PLOD2: variants seen among roughly 807,000 people sequenced by gnomAD.
PLOD2 encodes the protein lysine hydroxylase 2.
A neutral mutation model predicts 101.0 loss-of-function variants in PLOD2; 65 were observed. That is an observed-to-expected ratio of 0.64 (90% CI 0.53 to 0.79). The LOEUF (loss-of-function observed/expected upper bound fraction) is 0.79. Ranked by LOEUF, PLOD2 falls within the 30% of genes least tolerant of loss-of-function variation. PLOD2 has a pLI of 0.00. For synonymous variants in PLOD2, 314 were observed against 302.9 expected, an observed-to-expected ratio of 1.04 and a Z score of -0.38; for missense variants, 909 against 914.6, an observed-to-expected ratio of 0.99 and a Z score of 0.08.
rs200095830 is a variant in PLOD2 at position 146,123,231 on chromosome 3, T to TA, written c.201+906dup. Reference sequence around the variant, plus strand: ...CCAAAAAGTAATCTTTCTTCTTTTTTAAAAAAAAAGTTTTTTGCTTTTTGT... The same window carrying TA: ...CCAAAAAGTAATCTTTCTTCTTTTTTAAAAAAAAAAGTTTTTTGCTTTTTGT... On this transcript the variant is annotated intron_variant, in intron 2 of 19. Coordinates refer to ENST00000282903, the MANE Select transcript of PLOD2 (RefSeq NM_182943.3). The TA allele has an allele frequency of 1.0e-3, 838 of 824,876 alleles. 2 individuals are homozygous for TA. Among genetic ancestry groups the TA allele is most frequent in the South Asian group, 3.8e-3 (168 of 44,034 alleles). The allele number at this position is 824,876 out of a possible 1,614,324, so 51.1% of individuals were successfully genotyped here.
intron 3 of PLOD2, among the ~76,000 whole-genome samples, 157 bp from the exon 4 acceptor site, chr3:146,110,605 T>C (rs1408686943): frequency 6.6e-6 from 1 of 152,222 alleles, no homozygotes; most frequent in African/African-American, 2.4e-5. Context: ...AAAATTTCTC[T>C]CAACTTAAAT....
At chr3:146,106,821 A>T (rs1937543078) in intron 4 of PLOD2, among the ~76,000 whole-genome samples, 177 bp from the exon 5 acceptor site, 1 of 152,232 alleles carries the variant, frequency 6.6e-6, no homozygotes, top group South Asian at 2.1e-4. Context: ...CTTGTTTTAT[A>T]TATAAACTCC....
chr3:146,076,915 A>G lies in PLOD2; in HGVS notation c.1564-20T>C. On this transcript the variant is annotated intron_variant, in intron 14 of 19. Transcript: ENST00000282903. ...TACACCCTATATGCCAGAAAATAAC[A>G]GTATTAATCTTAGAGGTAGGTACAA... 1 of 1,465,578 alleles carries G rather than the reference A, an allele frequency of 6.8e-7. No homozygotes were observed. Among genetic ancestry groups the G allele is most frequent in the Non-Finnish European group, 9.5e-7 (1 of 1,048,726 alleles). The allele number at this position is 1,465,578 out of a possible 1,614,324, so 90.8% of individuals were successfully genotyped here. A position where few individuals can be genotyped will look rare whatever the true frequency, so the allele number is the denominator to read the frequency against.
In PLOD2 at chr3:146,071,093, A is replaced by G; in HGVS notation, c.2070T>C (p.Ala690=). 2 of 1,609,356 alleles carry G rather than the reference A, an allele frequency of 1.2e-6. No individual in the cohort carries two copies. The highest frequency in any genetic ancestry group is 1.7e-6 in the Non-Finnish European group (2 of 1,176,340). Residue 690 remains alanine (A), a synonymous_variant, in exon 19 of 20, where the codon GCT becomes GCC. Coordinates refer to ENST00000282903, the MANE Select transcript of PLOD2 (RefSeq NM_182943.3). ...GTGCAATGTTTATGGTAAATGTAGAAGCATCATGATGAGGACGAAGAGAAC... is the reference window on the plus strand; with the variant it reads ...GTGCAATGTTTATGGTAAATGTAGAGGCATCATGATGAGGACGAAGAGAAC... ...RQRSLRPHHD[A]STFTINIALN... is the part of the protein sequence containing the mutation.
chr3:146,130,325 T>C (rs536299376), intron 1 of PLOD2, among the ~76,000 whole-genome samples: 1 of 152,306 alleles, frequency 6.6e-6, no homozygotes, highest in South Asian at 2.1e-4. Context: ...ACCCATGTTT[T>C]CACTGCACTT....
At chr3:146,078,674 AT>A (rs2108005313) in intron 13 of PLOD2, among the ~76,000 whole-genome samples, 1 of 151,978 alleles carries the variant, frequency 6.6e-6, no homozygotes, top group South Asian at 2.1e-4. Flanking sequence ...GTTAATAATA[AT>A]TTTAAAATTT....
At chr3:146,140,691 C>A (rs753063270) in intron 1 of PLOD2, among the ~76,000 whole-genome samples, 10 of 152,068 alleles carry the variant, frequency 6.6e-5, no homozygotes, top group Admixed American at 5.2e-4. Flanking sequence ...AACCATGGTG[C>A]CTTTCAACTT....
intron 4 of PLOD2, among the ~76,000 whole-genome samples, chr3:146,108,610 T>C (rs1303002610): frequency 6.6e-6 from 1 of 152,232 alleles, no homozygotes; most frequent in Non-Finnish European, 1.5e-5. Context: ...TGCCCTTCTC[T>C]AATTATTTTG....
intron 1 of PLOD2, among the ~76,000 whole-genome samples, chr3:146,138,223 A>G (rs1361952532): frequency 2.0e-5 from 3 of 152,044 alleles, no homozygotes; most frequent in Non-Finnish European, 4.4e-5. Flanking sequence ...AATTCCTTCA[A>G]TGTTACTGTG....
intron 9 of PLOD2, among the ~76,000 whole-genome samples, chr3:146,087,604 T>G (rs989489012): frequency 2.6e-5 from 4 of 151,804 alleles, no homozygotes; most frequent in South Asian, 4.1e-4. Context: ...CTAAGTTTTC[T>G]GAAAAGCTGT....
At chr3:146,071,607 T>C (rs1445679646) in intron 17 of PLOD2, among the ~76,000 whole-genome samples, 184 bp from the exon 18 acceptor site, 2 of 151,814 alleles carry the variant, frequency 1.3e-5, no homozygotes, top group Non-Finnish European at 2.9e-5. Context: ...TTGTCAATGA[T>C]ACAATGACGA....
chr3:146,081,505 G>GTAAACATATATTATCTCT (rs1263664350), intron 12 of PLOD2, among the ~76,000 whole-genome samples: 1 of 151,964 alleles, frequency 6.6e-6, no homozygotes, highest in Non-Finnish European at 1.5e-5. Context: ...TTATCTCTTA[G>GTAAACATATATTATCTCT]TATTCCCCAC....
intron 3 of PLOD2, among the ~76,000 whole-genome samples, chr3:146,116,758 G>A (rs1937931991): frequency 1.3e-5 from 2 of 151,992 alleles, no homozygotes; most frequent in Non-Finnish European, 2.9e-5. Flanking sequence ...AGTATCAGAT[G>A]GTCTCACTCA....
intron 1 of PLOD2, among the ~76,000 whole-genome samples, chr3:146,146,445 C>T (rs1415017156): frequency 1.3e-5 from 2 of 152,074 alleles, no homozygotes; most frequent in Non-Finnish European, 2.9e-5. Context: ...CAGAAGGATA[C>T]GGTTTACCCT....
At chr3:146,120,668 CA>C (rs1167410760) in intron 3 of PLOD2, among the ~76,000 whole-genome samples, 5 of 152,166 alleles carry the variant, frequency 3.3e-5, no homozygotes, top group African/African-American at 1.2e-4. Context: ...AAACTACCAT[CA>C]GAGCGAACGG....
intron 3 of PLOD2, among the ~76,000 whole-genome samples, chr3:146,110,957 A>G (rs1287244853): frequency 6.6e-6 from 1 of 152,210 alleles, no homozygotes; most frequent in Non-Finnish European, 1.5e-5. Flanking sequence ...GAATCTTAAA[A>G]TAAGTGCGTT....
At chr3:146,095,405 G>T (rs1465090485) in intron 7 of PLOD2, among the ~76,000 whole-genome samples, 1 of 150,020 alleles carries the variant, frequency 6.7e-6, no homozygotes, top group African/African-American at 2.4e-5. Flanking sequence ...CGAAGGATAT[G>T]AACAGATACT....
chr3:146,121,572 T>C (rs984152610), intron 2 of PLOD2, among the ~76,000 whole-genome samples: 4 of 152,170 alleles, frequency 2.6e-5, no homozygotes, highest in Admixed American at 1.3e-4. Flanking sequence ...GAAAAATGAA[T>C]AAATTTCCCA....
chr3:146,136,857 G>T (rs910414931), intron 1 of PLOD2, among the ~76,000 whole-genome samples: 3 of 152,170 alleles, frequency 2.0e-5, no homozygotes, highest in African/African-American at 7.2e-5. Context: ...TACACTCTAT[G>T]ATGTTTCTAC....
Sources: allele counts gnomAD v4.1 joint callset (sites outside exome capture counted in the v4.1 genomes callset), GRCh38; gene constraint gnomAD v4.1.1; transcripts MANE v1.5; gene names NCBI Gene and HGNC (gene_info 2026-07-23, HGNC 2026-07-21).